Variants in ZNF704 observed in about 807,000 individuals in gnomAD.
The protein encoded by ZNF704 is glucocorticoid induced gene 1.
In ZNF704, 10 loss-of-function variants were observed where a neutral mutation model predicts 44.7. The observed-to-expected ratio is 0.22, with a 90% CI of 0.14 to 0.38. ZNF704 has a LOEUF of 0.38. Among genes scored for constraint, ZNF704 ranks in the 10% least tolerant of loss-of-function variants. The pLI is 1.00. For missense variants in ZNF704, 390 were observed against 545.5 expected (o/e 0.71, Z 2.84); for synonymous variants, 211 against 207.6 (o/e 1.02, Z -0.14).
intron 5 of ZNF704, among the ~76,000 whole-genome samples, chr8:80,665,356 G>T (rs1818173768): frequency 6.6e-6 from 1 of 152,056 alleles, no homozygotes; most frequent in South Asian, 2.1e-4. Flanking sequence ...CTGTTCCAGG[G>T]TCTCCTGATA....
intron 5 of ZNF704, among the ~76,000 whole-genome samples, chr8:80,669,588 G>A (rs1818248342): frequency 6.6e-6 from 1 of 152,148 alleles, no homozygotes; most frequent in Admixed American, 6.5e-5. Context: ...TCACTTGTTG[G>A]GCATGAAGCA....
chr8:80,716,338 C>G (rs1322502333), intron 2 of ZNF704, among the ~76,000 whole-genome samples: 5 of 152,220 alleles, frequency 3.3e-5, no homozygotes, highest in Admixed American at 1.3e-4. Context: ...CAGGATCAAT[C>G]TTCTGCCCAG....
chr8:80,866,408 C>T (rs556787337), intron 1 of ZNF704, among the ~76,000 whole-genome samples: 1 of 152,242 alleles, frequency 6.6e-6, no homozygotes, highest in South Asian at 2.1e-4. Flanking sequence ...TAAATATCTC[C>T]TAACAGAGGG....
chr8:80,840,794 CA>C (rs1459993710), intron 1 of ZNF704, among the ~76,000 whole-genome samples: 39 of 152,214 alleles, frequency 2.6e-4, no homozygotes, highest in African/African-American at 9.4e-4. Flanking sequence ...ATGAGCCTAT[CA>C]CTAAGTTTAA....
At chr8:80,763,165 G>A (rs946723307) in intron 2 of ZNF704, among the ~76,000 whole-genome samples, 1 of 152,150 alleles carries the variant, frequency 6.6e-6, no homozygotes, top group Non-Finnish European at 1.5e-5. Flanking sequence ...TACCATTCTG[G>A]GGTCTGGAGG....
chr8:80,647,455 G>A (rs564857708), intron 7 of ZNF704, among the ~76,000 whole-genome samples: 2 of 151,352 alleles, frequency 1.3e-5, no homozygotes, highest in South Asian at 4.2e-4. Flanking sequence ...AGCCATTGGA[G>A]TGTTTTTAAA....
At chr8:80,668,230 C>G (rs939493882) in intron 5 of ZNF704, among the ~76,000 whole-genome samples, 1 of 152,190 alleles carries the variant, frequency 6.6e-6, no homozygotes, top group Non-Finnish European at 1.5e-5. Context: ...CACGGGTGTC[C>G]CCTCACTGCA....
intron 1 of ZNF704, among the ~76,000 whole-genome samples, chr8:80,836,074 C>A (rs1008319461): frequency 1.3e-5 from 2 of 152,130 alleles, no homozygotes; most frequent in Non-Finnish European, 2.9e-5. Context: ...CAGACTTATC[C>A]CTTAAAAATC....
In ZNF704 at chr8:80,704,067, A is replaced by G. The variant is rs1207712913; in HGVS notation, c.222-10960T>C. On this transcript the variant is annotated intron_variant, in intron 2 of 8. Coordinates refer to ENST00000327835, the MANE Select transcript of ZNF704 (RefSeq NM_001033723.3). Reference sequence around the variant, plus strand: ...TATCTAAGCAAATGGATTTTGTTCCAGTGTCTGTGATAATTCTTCTATATT... The same window carrying G: ...TATCTAAGCAAATGGATTTTGTTCCGGTGTCTGTGATAATTCTTCTATATT... Among the ~76,000 whole-genome samples the G allele has an allele frequency of 2.0e-5, 3 of 152,110 alleles. No homozygotes were observed. The East Asian group carries it at 5.8e-4, about 29-fold the overall frequency.
At chr8:80,777,307 G>C (rs1222810121) in intron 2 of ZNF704, among the ~76,000 whole-genome samples, 1 of 152,138 alleles carries the variant, frequency 6.6e-6, no homozygotes. Context: ...ATAGTATAAA[G>C]TTAATATCTG....
intron 2 of ZNF704, among the ~76,000 whole-genome samples, chr8:80,782,331 T>C (rs549544115): frequency 6.6e-6 from 1 of 152,282 alleles, no homozygotes; most frequent in African/African-American, 2.4e-5. Flanking sequence ...TTTAAAGAGA[T>C]TCAATTATAA....
At chr8:80,788,267 A>T (rs1190174231) in intron 2 of ZNF704, among the ~76,000 whole-genome samples, 1 of 152,228 alleles carries the variant, frequency 6.6e-6, no homozygotes, top group Non-Finnish European at 1.5e-5. Context: ...TCTTGAGTTA[A>T]TCAATCTTTT....
chr8:80,668,280 C>T (rs1818226518), intron 5 of ZNF704, among the ~76,000 whole-genome samples: 1 of 152,202 alleles, frequency 6.6e-6, no homozygotes. Context: ...ATACCTTTTC[C>T]CCACTAATGA....
At chr8:80,711,698 C>G (rs985789821) in intron 2 of ZNF704, among the ~76,000 whole-genome samples, 4 of 152,116 alleles carry the variant, frequency 2.6e-5, no homozygotes, top group Admixed American at 2.6e-4. Flanking sequence ...AGATTTTTTA[C>G]TTTTTATGCT....
At chr8:80,739,205 G>C (rs553365453) in intron 2 of ZNF704, among the ~76,000 whole-genome samples, 8 of 152,196 alleles carry the variant, frequency 5.3e-5, no homozygotes, top group African/African-American at 1.9e-4. Flanking sequence ...CCAAATCTTG[G>C]GCATTTGGAA....
At chr8:80,863,999 G>C (rs567701145) in intron 1 of ZNF704, among the ~76,000 whole-genome samples, 128 of 152,190 alleles carry the variant, frequency 8.4e-4, no homozygotes, top group Non-Finnish European at 1.3e-3. Flanking sequence ...TTCCACACTA[G>C]ACCCATCGTG....
intron 2 of ZNF704, among the ~76,000 whole-genome samples, chr8:80,791,139 G>C (rs777838648): frequency 2.8e-4 from 43 of 152,176 alleles, no homozygotes; most frequent in Non-Finnish European, 5.4e-4. Flanking sequence ...TGAGTGTTCT[G>C]ACTAATATCT....
intron 2 of ZNF704, among the ~76,000 whole-genome samples, chr8:80,796,429 C>G (rs1807801893): frequency 6.6e-6 from 1 of 152,230 alleles, no homozygotes; most frequent in South Asian, 2.1e-4. Context: ...AAAGAGATCT[C>G]TATCATCTTC....
At chr8:80,883,148 T>A in the ZNF704 span, among the ~76,000 whole-genome samples, 1 of 145,192 alleles carries the variant, frequency 6.9e-6, no homozygotes, top group Non-Finnish European at 1.5e-5. Flanking sequence ...CTCAGGAGGC[T>A]GAAGTGGGAG....
Sources: gnomAD v4.1 joint callset for allele counts (sites outside exome capture counted in the v4.1 genomes callset) on GRCh38, gnomAD v4.1.1 for gene constraint, MANE v1.5 for transcripts, NCBI Gene and HGNC (gene_info 2026-07-23, HGNC 2026-07-21) for gene names.